COL25A1: variants seen among roughly 807,000 people sequenced by gnomAD.
COL25A1 encodes the protein collagen type XXV alpha 1 chain, also known as collagen alpha-1(XXV) chain.
In COL25A1, 103 loss-of-function variants were observed where a neutral mutation model predicts 128.4. That is an observed-to-expected ratio of 0.80 (90% confidence interval 0.68 to 0.94). COL25A1 has a LOEUF of 0.94. Among genes scored for constraint, COL25A1 ranks in the 40% least tolerant of loss-of-function variants. The pLI is 0.00. For synonymous variants in COL25A1, 279 were observed against 277.2 expected, an observed-to-expected ratio of 1.01 and a Z score of -0.06; for missense variants, 745 against 840.0, an observed-to-expected ratio of 0.89 and a Z score of 1.40.
intron 3 of COL25A1, among the ~76,000 whole-genome samples, chr4:109,160,658 G>A (rs1246262650): frequency 6.6e-6 from 1 of 152,142 alleles, no homozygotes; most frequent in African/African-American, 2.4e-5. Flanking sequence ...CTGGCCTATT[G>A]TTGGTCCTAC....
At chr4:109,277,957 A>G (rs1313361099) in intron 3 of COL25A1, among the ~76,000 whole-genome samples, 2 of 152,108 alleles carry the variant, frequency 1.3e-5, no homozygotes, top group African/African-American at 4.8e-5. Flanking sequence ...AACATGGTGA[A>G]ACCCCATCTC....
Position 109,228,950 on chromosome 4 carries a change from G to A in COL25A1, c.367+71633C>T, listed in dbSNP as rs574100700. Among the ~76,000 whole-genome samples the A allele has an allele frequency of 2.4e-4, 36 of 152,184 alleles. No individual in the cohort carries two copies. The South Asian group carries it at 5.6e-3, about 24-fold the overall frequency. ...CTTCAAACAAAATCTATTTTTAAAC[G>A]CCCAACTGCATAACTGACTGAAATG... On this transcript the variant is annotated intron_variant, in intron 3 of 37. Coordinates refer to ENST00000399132, the MANE Select transcript of COL25A1 (RefSeq NM_198721.4).
At chr4:109,191,575 C>T (rs1006420634) in intron 3 of COL25A1, among the ~76,000 whole-genome samples, 15 of 152,102 alleles carry the variant, frequency 9.9e-5, no homozygotes, top group Non-Finnish European at 2.1e-4. Flanking sequence ...GGAGTGCATC[C>T]GGCCTTAAGA....
chr4:108,896,795 C>T (rs1020774170), intron 15 of COL25A1, 84 bp from the exon 16 acceptor site: 14 of 1,184,638 alleles, frequency 1.2e-5, no homozygotes, highest in Non-Finnish European at 1.8e-5. Context: ...AGCTTTCTTT[C>T]ATGAACACTA....
chr4:109,046,353 G>A (rs763050604), intron 5 of COL25A1, among the ~76,000 whole-genome samples: 7 of 152,174 alleles, frequency 4.6e-5, no homozygotes, highest in African/African-American at 7.2e-5. Context: ...TCAAGAAAGC[G>A]AGAGCTATAT....
chr4:109,183,829 T>C (rs529582676), intron 3 of COL25A1, among the ~76,000 whole-genome samples: 1 of 151,722 alleles, frequency 6.6e-6, no homozygotes, highest in East Asian at 1.9e-4. Context: ...TGATTTCCAG[T>C]GTCCAAGTTG....
At chr4:108,952,108 A>C (rs1366426221) in intron 8 of COL25A1, among the ~76,000 whole-genome samples, 1 of 152,194 alleles carries the variant, frequency 6.6e-6, no homozygotes, top group Admixed American at 6.5e-5. Flanking sequence ...AAGTCTAAAA[A>C]ATGCCCTGTC....
intron 3 of COL25A1, among the ~76,000 whole-genome samples, chr4:109,202,702 A>G (rs1031180720): frequency 6.6e-6 from 1 of 152,206 alleles, no homozygotes; most frequent in Non-Finnish European, 1.5e-5. Context: ...ACATACTGGG[A>G]AAAATATTTA....
chr4:109,229,680 C>T (rs898895207), intron 3 of COL25A1, among the ~76,000 whole-genome samples: 4 of 152,092 alleles, frequency 2.6e-5, no homozygotes, highest in African/African-American at 9.7e-5. Flanking sequence ...CACTTGGTTA[C>T]ACTATAAGAG....
At chr4:109,220,506 A>G (rs1778335290) in intron 3 of COL25A1, among the ~76,000 whole-genome samples, 1 of 152,190 alleles carries the variant, frequency 6.6e-6, no homozygotes, top group Admixed American at 6.5e-5. Flanking sequence ...AACATTATTT[A>G]ATGAAGATCT....
rs557617358 is a variant in COL25A1 at position 108,865,340 on chromosome 4, G to A, written c.1084-1953C>T. Among the ~76,000 whole-genome samples the A allele has an allele frequency of 1.6e-3, 249 of 152,280 alleles. 1 individual carries two copies. The highest frequency in any genetic ancestry group is 5.7e-3 in the African/African-American group (235 of 41,560). The stretch of plus-strand genomic sequence containing the variant: ...CTTATCTGTATCATGCCCACTTTGG[G>A]AAGCCTTTGTGGTTTTATAGGGGAG... On this transcript the variant is annotated intron_variant, in intron 20 of 37. Coordinates refer to ENST00000399132, the MANE Select transcript of COL25A1 (RefSeq NM_198721.4).
At position 108,884,224 on chromosome 4, in the gene COL25A1, T is replaced by C. The variant is rs1296140503; in HGVS notation, c.976-2A>G. 11 of 1,613,154 alleles carry C rather than the reference T, an allele frequency of 6.8e-6. No individual in the cohort carries two copies. The highest frequency in any genetic ancestry group is 9.3e-6 in the Non-Finnish European group (11 of 1,179,254). On this transcript the variant is annotated splice_acceptor_variant, in intron 18 of 37. Transcript: ENST00000399132. LOFTEE classifies it high-confidence loss of function. ...AAGCCCAGGAAGCCCTGGTTCACCC[T>C]ACACAGGAAAATCATATAGCATTAT...
chr4:109,065,532 A>ACGCGCG (rs560432083), intron 3 of COL25A1, among the ~76,000 whole-genome samples: 287 of 126,520 alleles, frequency 2.3e-3, no homozygotes, highest in African/African-American at 6.3e-3. Context: ...TTGGTGCAGC[A>ACGCGCG]CGCGCGCGCG....
rs940644482 is a variant in COL25A1, at chr4:109,019,734, A to C, written c.421-9359T>G. Among the ~76,000 whole-genome samples, 4 of 152,214 alleles carry C rather than the reference A, an allele frequency of 2.6e-5. No individual in the cohort carries two copies. The East Asian group carries it at 7.8e-4, about 30-fold the overall frequency. ...ATTATGGGGATTACAACTGGAGATG[A>C]GACTTGGGTGGGGATACAGAGCCAA... On this transcript the variant is annotated intron_variant, in intron 5 of 37. Transcript: ENST00000399132.
Position 109,023,399 on chromosome 4 carries a change from T to C in COL25A1, c.421-13024A>G, listed in dbSNP as rs560062059. On this transcript the variant is annotated intron_variant, in intron 5 of 37. Transcript: ENST00000399132. ...TTTGGAAGAAAGTTTTGAAGACATA[T>C]GTGAACACATCCAAAGGCTTTAACA... is the stretch of plus-strand genomic sequence containing the variant. Among the ~76,000 whole-genome samples the C allele has an allele frequency of 2.6e-5, 4 of 152,358 alleles. No individual in the cohort carries two copies. The East Asian group carries it at 5.8e-4, about 22-fold the overall frequency.
chr4:109,022,969 A>G (rs1419414803), intron 5 of COL25A1, among the ~76,000 whole-genome samples: 1 of 152,212 alleles, frequency 6.6e-6, no homozygotes, highest in African/African-American at 2.4e-5. Flanking sequence ...AGAGCATTCA[A>G]GAATGTGAGC....
intron 3 of COL25A1, among the ~76,000 whole-genome samples, chr4:109,136,223 C>A (rs185836348): frequency 6.6e-6 from 1 of 152,150 alleles, no homozygotes; most frequent in Non-Finnish European, 1.5e-5. Context: ...CATGGTGAAA[C>A]CCTGTCTCTA....
At chr4:108,908,606 T>A (rs879734974) in intron 13 of COL25A1, among the ~76,000 whole-genome samples, 4 of 152,162 alleles carry the variant, frequency 2.6e-5, no homozygotes, top group Non-Finnish European at 5.9e-5. Flanking sequence ...CTCCCTAAAA[T>A]TAGAACCGCA....
chr4:108,881,189 G>A (rs1740078464), intron 19 of COL25A1, among the ~76,000 whole-genome samples: 1 of 152,176 alleles, frequency 6.6e-6, no homozygotes, highest in Non-Finnish European at 1.5e-5. Flanking sequence ...CTTTTATTAT[G>A]TATGCCTAAG....
Sources: gnomAD v4.1 joint callset for allele counts (sites outside exome capture counted in the v4.1 genomes callset) on GRCh38, gnomAD v4.1.1 for gene constraint, MANE v1.5 for transcripts, NCBI Gene and HGNC (gene_info 2026-07-23, HGNC 2026-07-21) for gene names.